NR3C2: variants seen among roughly 807,000 people sequenced by gnomAD.
NR3C2 encodes the protein nuclear receptor subfamily 3 group C member 2.
A neutral mutation model predicts 86.4 loss-of-function variants in NR3C2; 15 were observed. That is an observed-to-expected ratio of 0.17 (90% CI 0.12 to 0.27). The LOEUF is 0.27. Ranked by LOEUF, NR3C2 falls within the 10% of genes least tolerant of loss-of-function variation. The pLI, the probability that NR3C2 is intolerant of heterozygous loss-of-function variation, is 1.00. For synonymous variants in NR3C2, 458 were observed against 450.5 expected, an observed-to-expected ratio of 1.02 and a Z score of -0.21; for missense variants, 960 against 1,195.6, an observed-to-expected ratio of 0.80 and a Z score of 2.91.
At chr4:148,123,797 G>A (rs528655608) in intron 6 of NR3C2, among the ~76,000 whole-genome samples, 1 of 152,302 alleles carries the variant, frequency 6.6e-6, no homozygotes, top group East Asian at 1.9e-4. Context: ...GTTAAATCTA[G>A]TTTCTCTCAT....
intron 2 of NR3C2, among the ~76,000 whole-genome samples, chr4:148,425,751 A>G (rs1347056981): frequency 6.6e-6 from 1 of 152,208 alleles, no homozygotes; most frequent in Non-Finnish European, 1.5e-5. Context: ...CGTTTTTAAA[A>G]GATCCATCTG....
intron 6 of NR3C2, among the ~76,000 whole-genome samples, chr4:148,138,733 G>A (rs1283576295): frequency 2.0e-5 from 3 of 152,180 alleles, no homozygotes; most frequent in Non-Finnish European, 4.4e-5. Flanking sequence ...TACATGATTA[G>A]TGCTATGATT....
At chr4:148,178,483 C>T (rs909897722) in intron 4 of NR3C2, among the ~76,000 whole-genome samples, 5 of 151,618 alleles carry the variant, frequency 3.3e-5, no homozygotes, top group East Asian at 1.9e-4. Flanking sequence ...AATTTTGCCA[C>T]GATTTCAAGG....
chr4:148,281,366 T>C (rs933750764), intron 2 of NR3C2, among the ~76,000 whole-genome samples: 3 of 152,258 alleles, frequency 2.0e-5, no homozygotes, highest in Middle Eastern at 3.2e-3. Flanking sequence ...TCAAACATAG[T>C]TGAGCGCTAT....
At chr4:148,285,869 A>G (rs1025760566) in intron 2 of NR3C2, among the ~76,000 whole-genome samples, 1 of 152,200 alleles carries the variant, frequency 6.6e-6, no homozygotes, top group African/African-American at 2.4e-5. Flanking sequence ...ATTCCTATCA[A>G]TGTTCTATTT....
chr4:148,340,198 A>G (rs1744684524), intron 2 of NR3C2, among the ~76,000 whole-genome samples: 1 of 152,182 alleles, frequency 6.6e-6, no homozygotes, highest in Admixed American at 6.6e-5. Context: ...GACTCCGAAT[A>G]GTCAAAGTAA....
Position 148,316,058 on chromosome 4 carries a change from A to C in NR3C2, c.1758-55941T>G, listed in dbSNP as rs2149943251. Among the ~76,000 whole-genome samples the C allele has an allele frequency of 1.3e-5, 2 of 152,356 alleles. 1 individual carries two copies. Among genetic ancestry groups the C allele is most frequent in the Middle Eastern group, 6.8e-3 (2 of 294 alleles). On this transcript the variant is annotated intron_variant, in intron 2 of 8. Coordinates refer to ENST00000358102, the MANE Select transcript of NR3C2 (RefSeq NM_000901.5). ...AATGCCAACTAGAATGGTTAAAAGT[A>C]GAAAAACATGTTGTAAAACATGACA...
intron 2 of NR3C2, among the ~76,000 whole-genome samples, chr4:148,317,925 G>A (rs1743294830): frequency 6.7e-6 from 1 of 149,666 alleles, no homozygotes; most frequent in African/African-American, 2.5e-5. Flanking sequence ...TGCACATTCT[G>A]CAGGTTAGTT....
chr4:148,321,070 A>T (rs2149952933), intron 2 of NR3C2, among the ~76,000 whole-genome samples: 1 of 151,276 alleles, frequency 6.6e-6, no homozygotes, highest in South Asian at 2.1e-4. Flanking sequence ...AGATTCTGGT[A>T]TGTTGTGTCT....
chr4:148,161,946 C>T (rs998873693), intron 4 of NR3C2, among the ~76,000 whole-genome samples: 3 of 152,146 alleles, frequency 2.0e-5, no homozygotes, highest in Non-Finnish European at 4.4e-5. Flanking sequence ...TTTTCTCTCT[C>T]CATGGGAGCG....
At chr4:148,248,542 C>T (rs549957689) in intron 3 of NR3C2, among the ~76,000 whole-genome samples, 34 of 151,056 alleles carry the variant, frequency 2.3e-4, no homozygotes, top group African/African-American at 7.2e-4. Flanking sequence ...GCAGAAAGAG[C>T]GTGAAAACTA....
intron 2 of NR3C2, among the ~76,000 whole-genome samples, chr4:148,402,801 G>A (rs1748234031): frequency 6.6e-6 from 1 of 151,960 alleles, no homozygotes; most frequent in South Asian, 2.1e-4. Flanking sequence ...ACAATGGAAA[G>A]CAAAACAAGC....
chr4:148,318,100 C>G (rs555761808), intron 2 of NR3C2, among the ~76,000 whole-genome samples: 1 of 148,622 alleles, frequency 6.7e-6, no homozygotes, highest in African/African-American at 2.5e-5. Flanking sequence ...TGTTCAATTC[C>G]CACCTATGAG....
At chr4:148,210,081 G>T (rs531306701) in intron 3 of NR3C2, among the ~76,000 whole-genome samples, 1 of 152,166 alleles carries the variant, frequency 6.6e-6, no homozygotes, top group Non-Finnish European at 1.5e-5. Context: ...GGAGGGTCTG[G>T]ATGGGTCACA....
intron 4 of NR3C2, 128 bp from the exon 5 acceptor site, chr4:148,155,029 C>T: frequency 1.3e-6 from 1 of 764,420 alleles, no homozygotes; most frequent in Non-Finnish European, 2.2e-6. Context: ...ACCGTTTATT[C>T]CACTAAGAGA....
At position 148,427,020 on chromosome 4, in the gene NR3C2, T is replaced by A. The variant is rs1413790264; in HGVS notation, c.1757+8084A>T. On this transcript the variant is annotated intron_variant, in intron 2 of 8. Transcript: ENST00000358102. Reference sequence around the variant, plus strand: ...ACCCAGGCTGAAGTGTAGTACACGGTCTCGGTTCACTGCAACGTCCACCTC... The same window carrying A: ...ACCCAGGCTGAAGTGTAGTACACGGACTCGGTTCACTGCAACGTCCACCTC... Among the ~76,000 whole-genome samples the A allele has an allele frequency of 3.9e-5, 6 of 151,976 alleles. No individual in the cohort carries two copies. In the Middle Eastern group the frequency reaches 0.01, roughly 258 times the overall value.
At chr4:148,415,656 T>C (rs531298254) in intron 2 of NR3C2, among the ~76,000 whole-genome samples, 18 of 152,272 alleles carry the variant, frequency 1.2e-4, no homozygotes, top group Non-Finnish European at 1.8e-4. Flanking sequence ...AATGTATCCA[T>C]GAAGCCTAGA....
chr4:148,369,486 G>C (rs1746308658), intron 2 of NR3C2, among the ~76,000 whole-genome samples: 2 of 152,120 alleles, frequency 1.3e-5, no homozygotes, highest in African/African-American at 4.8e-5. Context: ...TCACTTTGAG[G>C]CATGACAAAT....
chr4:148,236,084 C>G (rs1738737353), intron 3 of NR3C2, among the ~76,000 whole-genome samples: 1 of 152,236 alleles, frequency 6.6e-6, no homozygotes, highest in South Asian at 2.1e-4. Flanking sequence ...CACTACCCAT[C>G]TGACGTCCCC....
Sources: gnomAD v4.1 joint callset for allele counts (sites outside exome capture counted in the v4.1 genomes callset) on GRCh38, gnomAD v4.1.1 for gene constraint, MANE v1.5 for transcripts, NCBI Gene and HGNC (gene_info 2026-07-23, HGNC 2026-07-21) for gene names.